Variants in LRRC49 observed in about 807,000 individuals in gnomAD.
LRRC49 encodes leucine rich repeat containing 49.
A neutral mutation model predicts 83.3 loss-of-function variants in LRRC49; 50 were observed. That is an observed-to-expected ratio of 0.60 (90% CI 0.48 to 0.76). The LOEUF is 0.76. Ranked by LOEUF, LRRC49 falls within the 30% of genes least tolerant of loss-of-function variation. The pLI is 0.00. For missense variants in LRRC49, 704 were observed against 809.1 expected (o/e 0.87, Z 1.58); for synonymous variants, 286 against 283.3 (o/e 1.01, Z -0.10).
At chr15:70,917,905 C>G (rs1193241836) in intron 6 of LRRC49, among the ~76,000 whole-genome samples, 2 of 152,228 alleles carry the variant, frequency 1.3e-5, no homozygotes, top group Non-Finnish European at 2.9e-5. Flanking sequence ...GAGACATGCC[C>G]CTTGCTCGCC....
chr15:70,870,703 T>C (rs900470339), intron 1 of LRRC49, among the ~76,000 whole-genome samples: 3 of 152,208 alleles, frequency 2.0e-5, no homozygotes, highest in Admixed American at 6.5e-5. Context: ...TTGGTCATTC[T>C]GGTCTCAAAC....
At chr15:70,862,827 A>T (rs1702950285) in intron 1 of LRRC49, among the ~76,000 whole-genome samples, 1 of 151,966 alleles carries the variant, frequency 6.6e-6, no homozygotes, top group African/African-American at 2.4e-5. Flanking sequence ...GCACAATTCA[A>T]CCCCAGCATC....
At chr15:70,905,115 C>A (rs2034250525) in intron 5 of LRRC49, among the ~76,000 whole-genome samples, 1 of 152,186 alleles carries the variant, frequency 6.6e-6, no homozygotes, top group Non-Finnish European at 1.5e-5. Flanking sequence ...CAGTGTTTGA[C>A]TGAGGGTAGA....
At chr15:70,887,675 G>A (rs972241071), upstream of LRRC49, among the ~76,000 whole-genome samples, 2 of 152,118 alleles carry the variant, frequency 1.3e-5, no homozygotes, top group Admixed American at 1.3e-4. Flanking sequence ...CTTTCCCTCT[G>A]AAATTAGGAA....
intron 1 of LRRC49, chr15:70,853,766 C>G (rs1324090137): frequency 4.2e-6 from 3 of 706,594 alleles, no homozygotes; most frequent in African/African-American, 1.9e-5. Context: ...GCTGCTTCCC[C>G]GGCGGCGGGG....
exon 2 of LRRC49, chr15:70,873,094 A>T: frequency 1.2e-6 from 1 of 813,748 alleles, no homozygotes; most frequent in Non-Finnish European, 2.0e-6. Flanking sequence ...CATCTTGGCC[A>T]GGCTGGTCTT....
chr15:70,956,282 T>C lies in LRRC49; in HGVS notation c.774-7503T>C, dbSNP rs939351878. Among the ~76,000 whole-genome samples, 3 of 152,166 alleles carry C rather than the reference T, an allele frequency of 2.0e-5. No homozygotes were observed. In the East Asian group the frequency reaches 5.8e-4, roughly 29 times the overall value. On this transcript the variant is annotated intron_variant, in intron 8 of 15. Coordinates refer to ENST00000260382, the MANE Select transcript of LRRC49 (RefSeq NM_017691.5). Reference sequence around the variant, plus strand: ...TTTCTTTTCCTTTCGGGATATGAATTTTGGTCAGTAGGGACAGACTGTTTC... The same window carrying C: ...TTTCTTTTCCTTTCGGGATATGAATCTTGGTCAGTAGGGACAGACTGTTTC...
At chr15:70,981,403 G>T (rs2037392804) in intron 10 of LRRC49, among the ~76,000 whole-genome samples, 1 of 151,482 alleles carries the variant, frequency 6.6e-6, no homozygotes, top group South Asian at 2.1e-4. Flanking sequence ...TAGATGACGG[G>T]TTGATGGGTG....
chr15:71,026,086 G>C (rs189117539), intron 14 of LRRC49, among the ~76,000 whole-genome samples: 54 of 151,414 alleles, frequency 3.6e-4, no homozygotes, highest in African/African-American at 1.3e-3. Context: ...CCCCCTGACA[G>C]GCCCTGTTGT....
intron 5 of LRRC49, among the ~76,000 whole-genome samples, chr15:70,909,791 A>T (rs2034470866): frequency 6.6e-6 from 1 of 150,700 alleles, no homozygotes; most frequent in South Asian, 2.1e-4. Flanking sequence ...GTGAGCTGAG[A>T]TTGCGCCACT....
At chr15:71,036,242 C>T (rs2039515489) in intron 14 of LRRC49, among the ~76,000 whole-genome samples, 1 of 151,748 alleles carries the variant, frequency 6.6e-6, no homozygotes, top group African/African-American at 2.4e-5. Flanking sequence ...CTAGATAAGC[C>T]CTTTGTCAGA....
rs1325087120 is a variant in LRRC49 at position 70,985,678 on chromosome 15, G to T, written c.1169+1421G>T. 3.3e-5 allele frequency among the ~76,000 whole-genome samples: 5 copies of T among 151,696 alleles called. No homozygotes were observed. In the East Asian group the frequency reaches 9.7e-4, roughly 29 times the overall value. On this transcript the variant is annotated intron_variant, in intron 11 of 15. Transcript: ENST00000260382. ...TTTGGCTTTTGTTGCCATTGCTTTT[G>T]GTGTTTTAGACATAAAGTCCTTGCC... is the stretch of plus-strand genomic sequence containing the variant.
chr15:70,855,334 CAAAAAAAAAAAAAAGA>C (rs949528921), intron 1 of LRRC49, among the ~76,000 whole-genome samples: 1,678 of 59,224 alleles, frequency 0.028, 102 homozygotes, highest in Admixed American at 0.19. Flanking sequence ...GACTCCGTCT[CAAAAAAAAAAAAAAGA>C]AAAAGAAAAA....
chr15:70,868,219 T>G (rs2032953603), intron 1 of LRRC49, among the ~76,000 whole-genome samples: 1 of 152,212 alleles, frequency 6.6e-6, no homozygotes, highest in African/African-American at 2.4e-5. Flanking sequence ...GGGGTAACCT[T>G]AGCTAAAACT....
rs776834980 is a variant in LRRC49, at chr15:70,911,614, T to C, written c.567+16T>C. On this transcript the variant is annotated intron_variant, in intron 6 of 15. Transcript: ENST00000260382. ...TGGAAATCAGGTATTGTAAAGCCCT[T>C]TCATTTCTTTCTTTTTTGAAAAAAA... The C allele has an allele frequency of 9.0e-6, 13 of 1,451,842 alleles. No individual in the cohort carries two copies. In the African/African-American group the frequency reaches 1.9e-4, roughly 21 times the overall value. The allele number at this position is 1,451,842 out of a possible 1,614,324, so 89.9% of individuals were successfully genotyped here.
At chr15:71,048,370 C>T (rs2039918530) in intron 15 of LRRC49, among the ~76,000 whole-genome samples, 1 of 152,140 alleles carries the variant, frequency 6.6e-6, no homozygotes, top group Admixed American at 6.5e-5. Flanking sequence ...GCTGGGATTA[C>T]AGATGTGAGC....
chr15:71,005,335 A>G (rs2038419841), intron 11 of LRRC49, among the ~76,000 whole-genome samples: 2 of 152,066 alleles, frequency 1.3e-5, no homozygotes, highest in Non-Finnish European at 2.9e-5. Context: ...AATATTCGTT[A>G]TATCACAATA....
In LRRC49 at chr15:70,858,600, T is replaced by A. The variant is rs2141067450; in HGVS notation, c.-299+5131T>A. On this transcript the variant is annotated intron_variant, in intron 1 of 16. Transcript: ENST00000544974. ...GCCTGGGCGACAGAGCGAGACTTGG[T>A]CTCAATTAAAAACAAAACAAAACAA... The A allele has an allele frequency of 6.0e-6, 3 of 497,670 alleles. No homozygotes were observed. In the East Asian group the frequency reaches 9.4e-5, roughly 16 times the overall value. The allele number at this position is 497,670 out of a possible 1,614,324, so 30.8% of individuals were successfully genotyped here.
intron 8 of LRRC49, among the ~76,000 whole-genome samples, chr15:70,957,018 G>C (rs557230364): frequency 6.6e-6 from 1 of 152,236 alleles, no homozygotes; most frequent in African/African-American, 2.4e-5. Flanking sequence ...TTAGATCTCT[G>C]AAGTTCTTTA....
Sources: gnomAD v4.1 joint callset for allele counts (sites outside exome capture counted in the v4.1 genomes callset) on GRCh38, gnomAD v4.1.1 for gene constraint, MANE v1.5 for transcripts, NCBI Gene and HGNC (gene_info 2026-07-23, HGNC 2026-07-21) for gene names.